Variants in CTR9 observed in about 807,000 individuals in gnomAD.
The protein encoded by CTR9 is CTR9 component of Paf1/RNA polymerase II complex.
CTR9 carries 41 observed loss-of-function variants against 152.1 expected under a neutral mutation model. The observed-to-expected ratio is 0.27, with a 90% confidence interval of 0.21 to 0.35. CTR9 has a LOEUF of 0.35. Among genes scored for constraint, CTR9 ranks in the 10% least tolerant of loss-of-function variants. The pLI, the probability that CTR9 is intolerant of heterozygous loss-of-function variation, is 1.00. For synonymous variants in CTR9, 476 were observed against 496.2 expected, an observed-to-expected ratio of 0.96 and a Z score of 0.54; for missense variants, 917 against 1,424.4, an observed-to-expected ratio of 0.64 and a Z score of 5.73.
chr11:10,764,215 G>A lies in CTR9; in HGVS notation c.1284+14G>A. On this transcript the variant is annotated intron_variant, in intron 10 of 24. Coordinates refer to ENST00000361367, the MANE Select transcript of CTR9 (RefSeq NM_014633.5). ...ACTGATATACAGGTATTTTAGTAATGTTTTTTAATCTCTCATATGATGTGT... is the reference window on the plus strand; with the variant it reads ...ACTGATATACAGGTATTTTAGTAATATTTTTTAATCTCTCATATGATGTGT... 3 of 1,613,628 alleles carry A rather than the reference G, an allele frequency of 1.9e-6. No individual in the cohort carries two copies. The highest frequency in any genetic ancestry group is 2.5e-6 in the Non-Finnish European group (3 of 1,179,558).
chr11:10,755,142 T>TG lies in CTR9; in HGVS notation c.329_330insG (p.Ile110MetfsTer13). ...AATAAGGACAATAAAAAGGATCTTA[T>TG]TACACAGGCCACCTTGTTGTATACA... On this transcript the variant is annotated frameshift_variant, in exon 3 of 25. Transcript: ENST00000361367. LOFTEE classifies it high-confidence loss of function. 1 of 1,613,986 alleles carries TG rather than the reference T, an allele frequency of 6.2e-7. No homozygotes were observed. The highest frequency in any genetic ancestry group is 8.5e-7 in the Non-Finnish European group (1 of 1,179,898).
Position 10,770,622 on chromosome 11 carries a change from C to T in CTR9, c.2362C>T (p.Leu788Phe), listed in dbSNP as rs1273860747. 2 of 1,609,902 alleles carry T rather than the reference C, an allele frequency of 1.2e-6. No homozygotes were observed. The highest frequency in any genetic ancestry group is 1.7e-6 in the Non-Finnish European group (2 of 1,179,092). The part of the protein sequence containing the change: ...EVLNAVKELE[L>F]AHRYFSYLSK... ...ACTTAATGCTGTGAAAGAACTGGAG[C>T]TTGCACATAGGTAAAGATTTTGTAG... Residue 788 changes from leucine to phenylalanine, a missense_variant, in exon 18 of 25, where the codon CTT becomes TTT. Around this residue, in one of 9 missense-constraint regions of CTR9, gnomAD observed 106 missense variants for 157.8 expected, o/e 0.67. Transcript: ENST00000361367.
In CTR9 at chr11:10,778,696, A is replaced by G. The variant is rs767501151; in HGVS notation, c.3113A>G (p.Asn1038Ser). The change falls in exon 25 of 25, where the codon AAC becomes AGC. Residue 1038 changes from asparagine to serine, a missense_variant. This residue lies in a region of CTR9 where 384 missense variants were observed against 398.4 expected (regional missense o/e 0.96). Transcript: ENST00000361367. ...TTTGCCAGACATCCCAGGAACAGCAACAGCAACAGTGACTCAGACGAGGAC... is the reference window on the plus strand; with the variant it reads ...TTTGCCAGACATCCCAGGAACAGCAGCAGCAACAGTGACTCAGACGAGGAC... ...IADEGHPRNS[N>S]SNSDSDEDEQ... The G allele has an allele frequency of 4.9e-5, 79 of 1,610,984 alleles. No individual in the cohort carries two copies. The highest frequency in any genetic ancestry group is 6.0e-5 in the Non-Finnish European group (71 of 1,177,464).
intron 20 of CTR9, 66 bp downstream of exon 20, chr11:10,772,721 T>A: frequency 9.2e-6 from 12 of 1,304,292 alleles, no homozygotes; most frequent in African/African-American, 1.6e-5. Flanking sequence ...TTTGTATGTT[T>A]AAAAAAAAAA....
At position 10,774,067 on chromosome 11, in the gene CTR9, A is replaced by G; in HGVS notation, c.2783A>G (p.Asp928Gly). 6.2e-7 allele frequency: 1 copy of G among 1,613,208 alleles called. No individual in the cohort carries two copies. Among genetic ancestry groups the G allele is most frequent in the Non-Finnish European group, 8.5e-7 (1 of 1,179,262 alleles). ...DEFVNDDTDD[D>G]LPISKKKKRR... is the part of the protein sequence containing the mutation. ...TTTGTCAATGATGACACTGATGATG[A>G]CCTACCTATATCCAAAAAGAAGAAG... Residue 928 changes from aspartate (D) to glycine (G), a missense_variant, in exon 22 of 25, where the codon GAC (aspartate) becomes GGC (glycine). Around this residue, in one of 9 missense-constraint regions of CTR9, gnomAD observed 384 missense variants for 398.4 expected, o/e 0.96. Transcript: ENST00000361367.
chr11:10,770,155 G>A (rs993332399), intron 16 of CTR9, 55 bp from the exon 17 acceptor site: 1 of 1,311,776 alleles, frequency 7.6e-7, no homozygotes, highest in Non-Finnish European at 1.1e-6. Context: ...GCTACAAAAT[G>A]AAAATGTCAT....
At position 10,768,147 on chromosome 11, in the gene CTR9, C is replaced by T; in HGVS notation, c.1946C>T (p.Ala649Val). 1 of 1,613,592 alleles carries T rather than the reference C, an allele frequency of 6.2e-7. No individual in the cohort carries two copies. The highest frequency in any genetic ancestry group is 8.5e-7 in the Non-Finnish European group (1 of 1,179,620). Reference sequence around the variant, plus strand: ...AGAAATGATGCAAAGAATCTGTATGCTGCCAATGGCATAGGTGATTATAAG... The same window carrying T: ...AGAAATGATGCAAAGAATCTGTATGTTGCCAATGGCATAGGTGATTATAAG... ...VLRNDAKNLY[A>V]ANGIGAVLAH... The change falls in exon 15 of 25, where the codon GCT (alanine) becomes GTT (valine). Residue 649 changes from alanine to valine, a missense_variant. This residue lies in a region of CTR9 where 87 missense variants were observed against 235.7 expected (regional missense o/e 0.37). Coordinates refer to ENST00000361367, the MANE Select transcript of CTR9 (RefSeq NM_014633.5).
rs375503495 is a variant in CTR9, at chr11:10,769,041, T to C, written c.2109+550T>C. On this transcript the variant is annotated intron_variant, in intron 16 of 24. Transcript: ENST00000361367. The stretch of plus-strand genomic sequence containing the variant: ...TTCGAGACCAGCCTGGCCAACATGG[T>C]GAAACCCTGTCTCTACTAAAAATAC... Among the ~76,000 whole-genome samples, 10 of 152,088 alleles carry C rather than the reference T, an allele frequency of 6.6e-5. No individual in the cohort carries two copies. In the South Asian group the frequency reaches 1.5e-3, roughly 22 times the overall value.
intron 19 of CTR9, 34 bp downstream of exon 19, chr11:10,771,650 T>G (rs1863144762): frequency 6.7e-7 from 1 of 1,498,158 alleles, no homozygotes; most frequent in South Asian, 1.1e-5. Context: ...TGACTTTGGG[T>G]GAGGCAGTGA....
intron 13 of CTR9, 30 bp downstream of exon 13, chr11:10,766,520 A>G: frequency 6.9e-7 from 1 of 1,450,838 alleles, no homozygotes; most frequent in Non-Finnish European, 9.4e-7. Context: ...AGGTTTGAGA[A>G]ATAATTATTT....
Position 10,778,871 on chromosome 11 carries a change from C to T in CTR9, c.3288C>T (p.Pro1096=), listed in dbSNP as rs1465569486. 1.9e-6 allele frequency: 3 copies of T among 1,614,180 alleles called. No individual in the cohort carries two copies. The South Asian group carries it at 3.3e-5, about 18-fold the overall frequency. The change falls in exon 25 of 25, where the codon CCC becomes CCT. Residue 1096 remains proline, a synonymous_variant. Transcript: ENST00000361367. ...ACCAGCCATCCAGAAAGAGAAGGCC[C>T]TCCGGTTCTGAGCAGTCTGACAATG... ...DSDQPSRKRR[P]SGSEQSDNES...
chr11:10,774,131 T>C lies in CTR9; in HGVS notation c.2847T>C (p.Asp949=), dbSNP rs1863191190. The C allele has an allele frequency of 1.2e-6, 2 of 1,604,596 alleles. No individual in the cohort carries two copies. Among genetic ancestry groups the C allele is most frequent in the African/African-American group, 1.3e-5 (1 of 74,662 alleles). The change falls in exon 22 of 25, where the codon GAT becomes GAC. Residue 949 remains aspartate, a synonymous_variant. Transcript: ENST00000361367. ...KGSGSEQEGE[D]EEGGERKKKK... is the part of the protein sequence containing the mutation. ...GTGGCAGTGAACAAGAAGGTGAAGA[T>C]GAGGAGGGTGGTGAGAGAAAGAAGA...
intron 5 of CTR9, among the ~76,000 whole-genome samples, chr11:10,759,517 G>T (rs147183445): frequency 3.7e-4 from 56 of 152,314 alleles, no homozygotes; most frequent in African/African-American, 1.3e-3. Context: ...GATCATTCTG[G>T]GAGTTTTGCT....
At chr11:10,755,846 C>A in intron 4 of CTR9, 51 bp downstream of exon 4, 1 of 1,071,972 alleles carries the variant, frequency 9.3e-7, no homozygotes, top group Non-Finnish European at 1.4e-6. Context: ...CAGCATATGC[C>A]TAGAATATAT....
intron 13 of CTR9, 150 bp downstream of exon 13, chr11:10,766,640 A>G (rs916189376): frequency 2.6e-5 from 15 of 578,998 alleles, no homozygotes; most frequent in African/African-American, 9.8e-5. Context: ...AAAATGTACT[A>G]GGTTGCATTA....
chr11:10,775,613 A>G lies in CTR9; in HGVS notation c.3075A>G (p.Lys1025=). Residue 1025 remains lysine (K), a synonymous_variant, in exon 24 of 25, where the codon AAA becomes AAG. Transcript: ENST00000361367. ...GTGATGACTCTTCGGATGAGGATAA[A>G]CTTAAAATTGCTGATGAAGGGTAGG... ...SSSDDSSDED[K]LKIADEGHPR... The G allele has an allele frequency of 6.2e-7, 1 of 1,610,354 alleles. No individual in the cohort carries two copies. Among genetic ancestry groups the G allele is most frequent in the Non-Finnish European group, 8.5e-7 (1 of 1,177,564 alleles).
chr11:10,756,978 T>A, intron 5 of CTR9, 140 bp downstream of exon 5: 1 of 679,868 alleles, frequency 1.5e-6, no homozygotes, highest in Non-Finnish European at 2.6e-6. Context: ...TTTTTGATGC[T>A]ATGTTTGAGT....
intron 5 of CTR9, 147 bp downstream of exon 5, chr11:10,756,985 G>C (rs563168063): frequency 1.2e-4 from 83 of 667,344 alleles, no homozygotes; most frequent in African/African-American, 1.2e-3. Flanking sequence ...TGCTATGTTT[G>C]AGTCAAAAGC....
rs1460620639 is a variant in CTR9 at position 10,770,549 on chromosome 11, A to G, written c.2289A>G (p.Arg763=). 3 of 1,614,016 alleles carry G rather than the reference A, an allele frequency of 1.9e-6. No individual in the cohort carries two copies. Among genetic ancestry groups the G allele is most frequent in the Admixed American group, 1.7e-5 (1 of 60,002 alleles). ...LMFNVALVLQ[R]LATSVLKDEK... is the part of the protein sequence containing the mutation. ...TTAATGTGGCCTTGGTCCTGCAAAG[A>G]TTAGCTACCTCTGTCCTGAAAGATG... The change falls in exon 18 of 25, where the codon AGA becomes AGG. Residue 763 remains arginine, a synonymous_variant. Transcript: ENST00000361367.
Sources: gnomAD v4.1 joint callset for allele counts (sites outside exome capture counted in the v4.1 genomes callset) on GRCh38, gnomAD v4.1.1 for gene constraint, gnomAD v4.1.1 regional missense constraint, MANE v1.5 for transcripts, NCBI Gene and HGNC (gene_info 2026-07-23, HGNC 2026-07-21) for gene names.